Variants in DNAH2 observed in about 807,000 individuals in gnomAD.
DNAH2 encodes the protein dynein axonemal heavy chain 2.
Under a neutral mutation model 523.5 loss-of-function variants are expected in DNAH2, and 323 were observed. That is an observed-to-expected ratio of 0.62 (90% CI 0.56 to 0.68). The LOEUF (loss-of-function observed/expected upper bound fraction) is 0.68, where lower values mean the gene tolerates loss of function less well. Ranked by LOEUF, DNAH2 falls within the 30% of genes least tolerant of loss-of-function variation. DNAH2 has a pLI of 0.00. For synonymous variants in DNAH2, 2,093 were observed against 2,177.4 expected (o/e 0.96, Z 1.08); for missense variants, 4,907 against 5,701.5 (o/e 0.86, Z 4.49).
In DNAH2 at chr17:7,818,731, C is replaced by T. The variant is rs953670023; in HGVS notation, c.10625C>T (p.Ala3542Val). ...AAGGACTCACTGGTCATCAACATCGCGGCTGGTAAAAGGAAGCTCAAGGAG... is the reference window on the plus strand; with the variant it reads ...AAGGACTCACTGGTCATCAACATCGTGGCTGGTAAAAGGAAGCTCAAGGAG... The part of the protein sequence containing the change: ...EQKDSLVINI[A>V]AGKRKLKELE... Residue 3542 changes from alanine (A) to valine (V), a missense_variant, in exon 70 of 86, where the codon GCG becomes GTG. Ala to Val is a moderately conservative substitution (Grantham distance 64). Around this residue, in one of 3 missense-constraint regions of DNAH2, gnomAD observed 1,851 missense variants for 2,139.4 expected, o/e 0.87. Coordinates refer to ENST00000572933, the MANE Select transcript of DNAH2 (RefSeq NM_020877.5). 103 of 1,613,962 alleles carry T rather than the reference C, an allele frequency of 6.4e-5. No homozygotes were observed. Among genetic ancestry groups the T allele is most frequent in the Non-Finnish European group, 8.5e-5 (100 of 1,180,004 alleles).
chr17:7,798,769 T>A lies in DNAH2; in HGVS notation c.8559+51T>A, dbSNP rs898529306. ...CAGTCAGTTCTTTGGCCTGCCTAGC[T>A]GACCCCAGAAGGACCACAGCTCCCA... On this transcript the variant is annotated intron_variant, in intron 55 of 85. Transcript: ENST00000572933. The surrounding 1 kb of genome is among the most constrained non-coding windows in gnomAD (Gnocchi z 5.5). 10 of 1,580,474 alleles carry A rather than the reference T, an allele frequency of 6.3e-6. No homozygotes were observed. The highest frequency in any genetic ancestry group is 6.9e-6 in the Non-Finnish European group (8 of 1,164,658).
intron 55 of DNAH2, 43 bp from the exon 56 acceptor site, chr17:7,799,060 T>C (rs2077149218): frequency 6.2e-7 from 1 of 1,608,666 alleles, no homozygotes; most frequent in Non-Finnish European, 8.5e-7. Context: ...CTGATTCTGC[T>C]ATGGACACGC....
At chr17:7,803,344 C>G (rs114992610) in intron 58 of DNAH2, among the ~76,000 whole-genome samples, 3,402 of 152,254 alleles carry the variant, frequency 0.022, 136 homozygotes, top group African/African-American at 0.077. Flanking sequence ...ACTTCACCTA[C>G]TATTGCTGAT....
Position 7,754,853 on chromosome 17 carries a change from G to A in DNAH2, c.1905-2238G>A, listed in dbSNP as rs2075791564. On this transcript the variant is annotated intron_variant, in intron 12 of 85. Transcript: ENST00000572933. The surrounding 1 kb of genome is among the most constrained non-coding windows in gnomAD (Gnocchi z 4.6). ...AGTGCCCTACAAAGACTTCAGAGTA[G>A]ATATCTCTGTCTGCCAACGTGAGGA... 11 of 656,872 alleles carry A rather than the reference G, an allele frequency of 1.7e-5. No individual in the cohort carries two copies. The highest frequency in any genetic ancestry group is 4.3e-4 in the Middle Eastern group (1 of 2,330). The allele number at this position is 656,872 out of a possible 1,614,324, so 40.7% of individuals were successfully genotyped here. A position where few individuals can be genotyped will look rare whatever the true frequency, so the allele number is the denominator to read the frequency against.
chr17:7,740,593 T>A, intron 10 of DNAH2, 44 bp downstream of exon 10: 1 of 1,605,092 alleles, frequency 6.2e-7, no homozygotes, highest in Non-Finnish European at 8.5e-7. Flanking sequence ...TCCCGCGTGC[T>A]TTCCTGGAGT....
intron 72 of DNAH2, among the ~76,000 whole-genome samples, chr17:7,820,356 G>A (rs1301996588): frequency 6.6e-6 from 1 of 152,142 alleles, no homozygotes; most frequent in Admixed American, 6.5e-5. Context: ...CGCTTCCCGG[G>A]TCTGACTGCC....
chr17:7,796,472 G>A lies in DNAH2; in HGVS notation c.7683G>A (p.Gln2561=). ...CCAGGGTCTGTTTCTAGAAGTCCCA[G>A]ATCATCCGCATATTCGGCACCATGA... The part of the protein sequence containing the change: ...IINMTFPTKS[Q]IIRIFGTMIN... Residue 2561 remains glutamine, a synonymous_variant, in exon 50 of 86, where the codon CAG becomes CAA. Transcript: ENST00000572933. The A allele has an allele frequency of 6.2e-7, 1 of 1,613,882 alleles. No homozygotes were observed. The highest frequency in any genetic ancestry group is 8.5e-7 in the Non-Finnish European group (1 of 1,179,966).
intron 25 of DNAH2, 33 bp from the exon 26 acceptor site, chr17:7,770,524 C>T (rs1307128468): frequency 2.5e-6 from 4 of 1,613,338 alleles, no homozygotes; most frequent in East Asian, 2.2e-5. Context: ...GAAGAGATAC[C>T]TGACTGCTGT....
At chr17:7,824,832 C>T in intron 77 of DNAH2, 105 bp downstream of exon 77, 1 of 1,076,486 alleles carries the variant, frequency 9.3e-7, no homozygotes, top group Non-Finnish European at 1.3e-6. Context: ...ATTTGATTGT[C>T]CTCAAAAAAT....
At position 7,771,485 on chromosome 17, in the gene DNAH2, T is replaced by A. The variant is rs1187609651; in HGVS notation, c.4501+17T>A. 1 of 1,613,258 alleles carries A rather than the reference T, an allele frequency of 6.2e-7. No homozygotes were observed. On this transcript the variant is annotated intron_variant, in intron 28 of 85. Coordinates refer to ENST00000572933, the MANE Select transcript of DNAH2 (RefSeq NM_020877.5). ...ATCACCCAGGTCAGAGCTCCAGGGC[T>A]CCTGCCCTGACACAGCCTCGGCAGG...
intron 8 of DNAH2, among the ~76,000 whole-genome samples, chr17:7,739,292 G>A (rs969670705): frequency 6.6e-6 from 1 of 152,176 alleles, no homozygotes; most frequent in Non-Finnish European, 1.5e-5. Context: ...TGTAATCCTA[G>A]CTGCTTGGGA....
rs752192646 is a variant in DNAH2, at chr17:7,771,466, CAGGTCAG to C, written c.4501+1_4501+7del. The C allele has an allele frequency of 3.7e-6, 6 of 1,613,736 alleles. No homozygotes were observed. Among genetic ancestry groups the C allele is most frequent in the Non-Finnish European group, 5.1e-6 (6 of 1,179,862 alleles). ...AATGCTCTCCGGAGCACCCATCACC[CAGGTCAG>C]AGCTCCAGGGCTCCTGCCCTGACAC... On this transcript the variant is annotated splice_donor_variant and splice_donor_5th_base_variant and coding_sequence_variant and intron_variant, in exon 28 of 86. Coordinates refer to ENST00000572933, the MANE Select transcript of DNAH2 (RefSeq NM_020877.5). LOFTEE classifies it high-confidence loss of function.
chr17:7,809,236 T>C (rs529448855), intron 63 of DNAH2, among the ~76,000 whole-genome samples: 41 of 152,310 alleles, frequency 2.7e-4, no homozygotes, highest in Non-Finnish European at 4.6e-4. Flanking sequence ...ATGAGGAGCC[T>C]GAGGCTAGGG....
chr17:7,723,258 C>T (rs1463644391), intron 2 of DNAH2, among the ~76,000 whole-genome samples: 2 of 133,910 alleles, frequency 1.5e-5, no homozygotes, highest in African/African-American at 2.8e-5. Context: ...GTGTGAGCCA[C>T]TGTACCCGGC....
intron 71 of DNAH2, 35 bp from the exon 72 acceptor site, chr17:7,819,174 T>G (rs1007540815): frequency 1.9e-6 from 3 of 1,610,580 alleles, no homozygotes; most frequent in South Asian, 2.2e-5. Flanking sequence ...GCCACGTCCC[T>G]CAGTGGCCCT....
At chr17:7,747,072 G>A (rs2075539304) in intron 12 of DNAH2, among the ~76,000 whole-genome samples, 1 of 150,870 alleles carries the variant, frequency 6.6e-6, no homozygotes, top group Admixed American at 6.6e-5. Flanking sequence ...AGGTAACCAT[G>A]ATTATCATGT....
rs757795928 is a variant in DNAH2 at position 7,795,984 on chromosome 17, G to GTA, written c.7675-467_7675-466dup. ...AAATATAAATATGTATAAATATATA[G>GTA]TATATATATATATAGTGTTATATAA... On this transcript the variant is annotated intron_variant, in intron 49 of 85. Transcript: ENST00000572933. 1.9e-3 allele frequency among the ~76,000 whole-genome samples: 266 copies of GTA among 143,566 alleles called. 2 individuals are homozygous for GTA. Among genetic ancestry groups the GTA allele is most frequent in the African/African-American group, 4.2e-3 (164 of 39,088 alleles). The allele number at this position is 143,566 out of a possible 152,430, so 94.2% of individuals were successfully genotyped here.
chr17:7,817,760 C>T (rs1381014304), intron 66 of DNAH2, 30 bp from the exon 67 acceptor site: 5 of 1,614,090 alleles, frequency 3.1e-6, no homozygotes, highest in Admixed American at 3.3e-5. Flanking sequence ...GGAGAGAGGG[C>T]CTCACCTCTG....
intron 27 of DNAH2, 44 bp downstream of exon 27, chr17:7,770,977 T>C: frequency 6.3e-7 from 1 of 1,591,394 alleles, no homozygotes; most frequent in Non-Finnish European, 8.6e-7. Flanking sequence ...CTGCTCTTAC[T>C]CCTTCTTTTT....
Sources: gnomAD v4.1 joint callset for allele counts (sites outside exome capture counted in the v4.1 genomes callset) on GRCh38, gnomAD v4.1.1 for gene constraint, gnomAD v4.1.1 regional missense constraint, Gnocchi (gnomAD v3.1) non-coding constraint, MANE v1.5 for transcripts, NCBI Gene and HGNC (gene_info 2026-07-23, HGNC 2026-07-21) for gene names.